Variants in DLGAP2 observed in about 807,000 individuals in gnomAD.
DLGAP2 encodes DLG associated protein 2.
Under a neutral mutation model 100.3 loss-of-function variants are expected in DLGAP2, and 26 were observed. The ratio of observed to expected loss-of-function variants is 0.26; its 90% confidence interval spans 0.19 to 0.36. The LOEUF (loss-of-function observed/expected upper bound fraction) is 0.36. Ranked by LOEUF, DLGAP2 falls within the 10% of genes least tolerant of loss-of-function variation. DLGAP2 has a pLI of 1.00. For synonymous variants in DLGAP2, 886 were observed against 630.1 expected (o/e 1.41, Z -6.08); for missense variants, 1,858 against 1,453.2 (o/e 1.28, Z -4.53).
chr8:1,692,451 A>G (rs919903894), intron 13 of DLGAP2, among the ~76,000 whole-genome samples: 1 of 150,262 alleles, frequency 6.7e-6, no homozygotes, highest in Non-Finnish European at 1.5e-5. Context: ...GTACCGAGGC[A>G]GGGAGGTGGA....
chr8:1,462,926 C>G (rs1162581093), intron 3 of DLGAP2, among the ~76,000 whole-genome samples: 1 of 152,216 alleles, frequency 6.6e-6, no homozygotes, highest in Non-Finnish European at 1.5e-5. Context: ...TGCCCTCATC[C>G]CATTCCATGA....
At chr8:1,180,908 T>C (rs1797373268) in intron 2 of DLGAP2, among the ~76,000 whole-genome samples, 1 of 128,720 alleles carries the variant, frequency 7.8e-6, no homozygotes, top group African/African-American at 3.2e-5. Flanking sequence ...TACTGTCGAG[T>C]GTGGGTGGCT....
At chr8:964,412 A>G (rs1040437589) in intron 2 of DLGAP2, among the ~76,000 whole-genome samples, 18 of 152,242 alleles carry the variant, frequency 1.2e-4, no homozygotes, top group Non-Finnish European at 2.5e-4. Context: ...GTGTAGACAC[A>G]CAATTCTCCC....
chr8:1,391,270 C>G (rs1400276565), intron 3 of DLGAP2, among the ~76,000 whole-genome samples: 3 of 152,132 alleles, frequency 2.0e-5, no homozygotes, highest in Non-Finnish European at 2.9e-5. Flanking sequence ...ATGGGGCATT[C>G]AAGGATTTGC....
intron 4 of DLGAP2, among the ~76,000 whole-genome samples, chr8:1,545,522 T>C (rs1297062939): frequency 1.3e-5 from 2 of 152,186 alleles, no homozygotes; most frequent in African/African-American, 4.8e-5. Context: ...CTAAGATGCT[T>C]TCCGCATTTT....
intron 1 of DLGAP2, among the ~76,000 whole-genome samples, chr8:834,152 T>G (rs1796830578): frequency 6.6e-6 from 1 of 152,194 alleles, no homozygotes. Flanking sequence ...TGCGATCCTA[T>G]TCAGTCATTT....
intron 4 of DLGAP2, among the ~76,000 whole-genome samples, chr8:1,531,073 A>G (rs1176324038): frequency 6.6e-6 from 1 of 152,244 alleles, no homozygotes; most frequent in South Asian, 2.1e-4. Context: ...GAGAAACCAT[A>G]AAGTTTCCAA....
intron 2 of DLGAP2, among the ~76,000 whole-genome samples, chr8:1,038,785 G>A (rs1802206131): frequency 6.6e-6 from 1 of 152,160 alleles, no homozygotes; most frequent in South Asian, 2.1e-4. Context: ...ATGTATGTAT[G>A]TATAACTACG....
intron 3 of DLGAP2, among the ~76,000 whole-genome samples, chr8:1,391,575 A>T (rs1455944410): frequency 6.6e-6 from 1 of 152,188 alleles, no homozygotes; most frequent in Non-Finnish European, 1.5e-5. Context: ...ATGTTCCACC[A>T]TGGATGCCTC....
At chr8:1,585,212 C>T (rs1049108749) in intron 6 of DLGAP2, among the ~76,000 whole-genome samples, 2 of 152,104 alleles carry the variant, frequency 1.3e-5, no homozygotes, top group African/African-American at 4.8e-5. Context: ...CCTGTGATCC[C>T]AGCACTTTGG....
chr8:1,506,301 G>T (rs1030039348), intron 4 of DLGAP2, among the ~76,000 whole-genome samples: 1 of 152,108 alleles, frequency 6.6e-6, no homozygotes, highest in Non-Finnish European at 1.5e-5. Context: ...TTTTCTTCAG[G>T]GAAATTTATA....
At chr8:1,464,744 C>G (rs1445811955) in intron 3 of DLGAP2, among the ~76,000 whole-genome samples, 1 of 152,246 alleles carries the variant, frequency 6.6e-6, no homozygotes, top group Non-Finnish European at 1.5e-5. Flanking sequence ...GCCAGAAGGG[C>G]TCACTGCCTC....
At chr8:990,280 C>A (rs1301322509) in intron 2 of DLGAP2, among the ~76,000 whole-genome samples, 2 of 151,664 alleles carry the variant, frequency 1.3e-5, no homozygotes, top group Non-Finnish European at 2.9e-5. Flanking sequence ...TGGGAATCGA[C>A]CTTCTGAAGT....
intron 1 of DLGAP2, among the ~76,000 whole-genome samples, chr8:788,989 T>C (rs1425804488): frequency 6.6e-6 from 1 of 152,186 alleles, no homozygotes; most frequent in East Asian, 1.9e-4. Context: ...GCCACCCGTC[T>C]CTCTTCTGTG....
rs1796951590 is a variant in DLGAP2 at position 1,417,668 on chromosome 8, C to CTGCCTCACTCG, written c.107-83698_107-83697insTGCCTCACTCG. ...GGGGAGCCCCACTCCTGCCTCACTC[C>CTGCCTCACTCG]GCGAGGCTCCAGGGGGGCACAGGGG... On this transcript the variant is annotated intron_variant, in intron 3 of 14. Transcript: ENST00000637795. Among the ~76,000 whole-genome samples, 6 of 117,930 alleles carry CTGCCTCACTCG rather than the reference C, an allele frequency of 5.1e-5. No individual in the cohort carries two copies. The South Asian group carries it at 8.6e-4, about 17-fold the overall frequency. The allele number at this position is 117,930 out of a possible 152,430, so 77.4% of individuals were successfully genotyped here. A position where few individuals can be genotyped will look rare whatever the true frequency, so the allele number is the denominator to read the frequency against.
intron 3 of DLGAP2, among the ~76,000 whole-genome samples, chr8:1,352,423 C>T (rs1394432037): frequency 6.6e-6 from 1 of 152,156 alleles, no homozygotes. Context: ...CTCCCTGTAC[C>T]TGCCCTTCCC....
At chr8:1,499,252 G>A (rs756790867) in intron 3 of DLGAP2, among the ~76,000 whole-genome samples, 10 of 152,194 alleles carry the variant, frequency 6.6e-5, no homozygotes, top group Middle Eastern at 3.2e-3. Context: ...TGTTGTTAGC[G>A]GAGTGCTCAT....
chr8:1,154,729 C>T (rs994398884), intron 2 of DLGAP2, among the ~76,000 whole-genome samples: 4 of 152,122 alleles, frequency 2.6e-5, no homozygotes, highest in Non-Finnish European at 5.9e-5. Flanking sequence ...CTCCCGGAGT[C>T]GGTCAGGATT....
intron 3 of DLGAP2, among the ~76,000 whole-genome samples, chr8:1,315,562 A>G (rs570468417): frequency 6.8e-6 from 1 of 147,834 alleles, no homozygotes; most frequent in East Asian, 2.1e-4. Context: ...GCGTTTAAAA[A>G]TAGAGCCTGT....
Sources: allele counts gnomAD v4.1 joint callset (sites outside exome capture counted in the v4.1 genomes callset), GRCh38; gene constraint gnomAD v4.1.1; transcripts MANE v1.5; gene names NCBI Gene and HGNC (gene_info 2026-07-23, HGNC 2026-07-21).